The following SHISA9 variants were observed in gnomAD, a reference collection of about 807,000 sequenced individuals.
SHISA9 encodes shisa family member 9, also known as protein shisa-9.
A neutral mutation model predicts 38.0 loss-of-function variants in SHISA9; 13 were observed. The observed-to-expected ratio is 0.34, with a 90% confidence interval of 0.22 to 0.54. SHISA9 has a LOEUF of 0.54. SHISA9 is among the 20% of genes least tolerant of loss of function. The pLI is 0.91. For missense variants in SHISA9, 538 were observed against 575.8 expected, an observed-to-expected ratio of 0.93 and a Z score of 0.67; for synonymous variants, 275 against 242.0, an observed-to-expected ratio of 1.14 and a Z score of -1.27.
At chr16:13,066,020 C>T (rs1460336804) in intron 2 of SHISA9, among the ~76,000 whole-genome samples, 2 of 152,200 alleles carry the variant, frequency 1.3e-5, no homozygotes, top group African/African-American at 4.8e-5. Context: ...ATTTACCATC[C>T]AAAGGGTCTT....
intron 3 of SHISA9, 126 bp from the exon 4 acceptor site, chr16:13,213,127 C>T (rs1022251738): frequency 1.4e-6 from 1 of 731,132 alleles, no homozygotes; most frequent in Non-Finnish European, 2.3e-6. Context: ...TCCCTGGGTC[C>T]CCTGAGGCCT....
At position 12,947,960 on chromosome 16, in the gene SHISA9, C is replaced by G. The variant is rs944612710; in HGVS notation, c.691+31145C>G. ...GGGTTTAGAAGATCATGATGGGAAT[C>G]TGTGGATCACATTTGAGAAAGCATA... On this transcript the variant is annotated intron_variant, in intron 2 of 4. Transcript: ENST00000558583. 8.5e-5 allele frequency among the ~76,000 whole-genome samples: 13 copies of G among 152,160 alleles called. 1 individual carries two copies. The highest frequency in any genetic ancestry group is 3.1e-4 in the African/African-American group (13 of 41,452).
At chr16:12,941,936 A>G (rs1382227814) in intron 2 of SHISA9, among the ~76,000 whole-genome samples, 1 of 152,226 alleles carries the variant, frequency 6.6e-6, no homozygotes, top group African/African-American at 2.4e-5. Flanking sequence ...AAACCTTATC[A>G]AAGCATCACC....
chr16:12,980,718 A>G (rs565319751), intron 2 of SHISA9, among the ~76,000 whole-genome samples: 1 of 151,982 alleles, frequency 6.6e-6, no homozygotes, highest in African/African-American at 2.4e-5. Context: ...TATACTCCAT[A>G]TAATTTACCT....
the SHISA9 span, among the ~76,000 whole-genome samples, chr16:13,437,576 C>G: frequency 6.6e-6 from 1 of 152,136 alleles, no homozygotes; most frequent in Admixed American, 6.5e-5. Flanking sequence ...TTACCCTCTT[C>G]TGTGTTACCT....
At chr16:13,506,357 T>G in the SHISA9 span, among the ~76,000 whole-genome samples, 1 of 151,982 alleles carries the variant, frequency 6.6e-6, no homozygotes, top group Non-Finnish European at 1.5e-5. Flanking sequence ...AACAGAGGTG[T>G]GTGGGAGGTG....
intron 2 of SHISA9, among the ~76,000 whole-genome samples, 182 bp downstream of exon 2, chr16:12,916,997 T>C (rs1047348968): frequency 8.5e-5 from 13 of 152,226 alleles, no homozygotes; most frequent in Non-Finnish European, 1.6e-4. Context: ...GTTGGTTGCT[T>C]TCTTTGTTAA....
intron 2 of SHISA9, among the ~76,000 whole-genome samples, chr16:13,108,759 T>G (rs1400745229): frequency 6.6e-6 from 1 of 152,206 alleles, no homozygotes; most frequent in Non-Finnish European, 1.5e-5. Flanking sequence ...ATTTGATCTT[T>G]TTCATTTATT....
At chr16:12,905,820 C>T (rs1056166835) in intron 1 of SHISA9, among the ~76,000 whole-genome samples, 1 of 152,046 alleles carries the variant, frequency 6.6e-6, no homozygotes, top group Admixed American at 6.5e-5. Flanking sequence ...AGGCTGGTCT[C>T]GAACTCCTGA....
At chr16:13,550,993 G>A in the SHISA9 span, among the ~76,000 whole-genome samples, 2 of 152,004 alleles carry the variant, frequency 1.3e-5, no homozygotes, top group Non-Finnish European at 2.9e-5. Context: ...CATGTTGGTG[G>A]GTGCCTGTAA....
downstream of SHISA9, among the ~76,000 whole-genome samples, chr16:13,244,843 C>T (rs991976365): frequency 7.2e-5 from 11 of 152,172 alleles, no homozygotes; most frequent in African/African-American, 9.7e-5. Flanking sequence ...CGATGTGATA[C>T]GACAATATCT....
At chr16:13,392,173 C>G in the SHISA9 span, among the ~76,000 whole-genome samples, 2 of 152,078 alleles carry the variant, frequency 1.3e-5, no homozygotes, top group South Asian at 4.2e-4. Flanking sequence ...TTAGTTGTGT[C>G]TTCCTAATAT....
At chr16:13,442,585 A>T in the SHISA9 span, among the ~76,000 whole-genome samples, 1 of 152,180 alleles carries the variant, frequency 6.6e-6, no homozygotes, top group Non-Finnish European at 1.5e-5. Flanking sequence ...GATTACAGAC[A>T]TGAGCCATCT....
intron 2 of SHISA9, among the ~76,000 whole-genome samples, chr16:12,998,342 C>G (rs1459768880): frequency 6.6e-6 from 1 of 152,176 alleles, no homozygotes; most frequent in Admixed American, 6.5e-5. Context: ...TCATGTGGCA[C>G]TTTGAGGCAG....
chr16:12,950,275 A>G (rs2071737698), intron 2 of SHISA9, among the ~76,000 whole-genome samples: 1 of 152,174 alleles, frequency 6.6e-6, no homozygotes, highest in Non-Finnish European at 1.5e-5. Context: ...TTTGGTGGAC[A>G]TTTACGTTGA....
intron 2 of SHISA9, among the ~76,000 whole-genome samples, chr16:13,007,799 C>T (rs2072617747): frequency 6.6e-6 from 1 of 151,836 alleles, no homozygotes; most frequent in Non-Finnish European, 1.5e-5. Flanking sequence ...GAACTGGCCT[C>T]TTCCTTCCTC....
chr16:13,075,035 A>G (rs530880665), intron 2 of SHISA9, among the ~76,000 whole-genome samples: 1 of 152,256 alleles, frequency 6.6e-6, no homozygotes, highest in South Asian at 2.1e-4. Flanking sequence ...GAACCAGTTT[A>G]TGGTAGAGAT....
At chr16:13,355,071 G>A in the SHISA9 span, among the ~76,000 whole-genome samples, 1 of 149,630 alleles carries the variant, frequency 6.7e-6, no homozygotes, top group Admixed American at 6.7e-5. Context: ...CAGAATAATG[G>A]GTTGTAGAGG....
At chr16:13,445,700 G>C in the SHISA9 span, among the ~76,000 whole-genome samples, 1 of 152,120 alleles carries the variant, frequency 6.6e-6, no homozygotes, top group African/African-American at 2.4e-5. Flanking sequence ...AGTGCTATGA[G>C]ATTAATCTAG....
Sources: allele counts gnomAD v4.1 joint callset (sites outside exome capture counted in the v4.1 genomes callset), GRCh38; gene constraint gnomAD v4.1.1; transcripts MANE v1.5; gene names NCBI Gene and HGNC (gene_info 2026-07-23, HGNC 2026-07-21).